PICALM: variants seen among roughly 807,000 people sequenced by gnomAD.
PICALM encodes phosphatidylinositol-binding clathrin assembly protein.
PICALM carries 40 observed loss-of-function variants against 80.5 expected under a neutral mutation model. That is an observed-to-expected ratio of 0.50 (90% CI 0.39 to 0.65). The LOEUF is 0.65. Ranked by LOEUF, PICALM falls within the 30% of genes least tolerant of loss-of-function variation. The pLI is 0.00. For synonymous variants in PICALM, 288 were observed against 260.3 expected, an observed-to-expected ratio of 1.11 and a Z score of -1.02; for missense variants, 676 against 778.9, an observed-to-expected ratio of 0.87 and a Z score of 1.57.
In PICALM at chr11:86,031,485, A is replaced by G; in HGVS notation, c.257T>C (p.Met86Thr). 1 of 1,612,310 alleles carries G rather than the reference A, an allele frequency of 6.2e-7. No individual in the cohort carries two copies. Among genetic ancestry groups the G allele is most frequent in the Non-Finnish European group, 8.5e-7 (1 of 1,179,340 alleles). ...TCTGCTTACCTCATTTCCATACACC[A>G]TCAAATGATGAGTTGTAATGAGAGA... ...FKSLITTHHL[M>T]VYGNERFIQY... Residue 86 changes from methionine (M) to threonine (T), a missense_variant, in exon 2 of 20, where the codon ATG (methionine) becomes ACG (threonine). By Grantham distance (81) the Met-to-Thr change is moderately conservative. This residue lies in a region of PICALM where 285 missense variants were observed against 395.4 expected (regional missense o/e 0.72). Transcript: ENST00000393346.
intron 12 of PICALM, among the ~76,000 whole-genome samples, chr11:85,994,787 T>C (rs1179652804): frequency 6.6e-6 from 1 of 152,232 alleles, no homozygotes; most frequent in East Asian, 1.9e-4. Flanking sequence ...CATTGCAATT[T>C]CCGCCTCCGG....
chr11:85,981,034 C>T (rs139710547), intron 17 of PICALM, 95 bp downstream of exon 17: 12,950 of 676,838 alleles, frequency 0.019, 161 homozygotes, highest in Non-Finnish European at 0.025. Flanking sequence ...AGTAACAATC[C>T]TTCTATTTAT....
intron 19 of PICALM, among the ~76,000 whole-genome samples, chr11:85,960,457 G>A (rs1342910176): frequency 6.6e-6 from 1 of 152,136 alleles, no homozygotes. Context: ...CAGTGGATGA[G>A]ATTACTTTAA....
intron 7 of PICALM, among the ~76,000 whole-genome samples, chr11:86,008,952 C>CAAAAAAAAAAAAAAAAAAAA (rs59740555): frequency 1.6e-5 from 1 of 62,848 alleles, no homozygotes; most frequent in Non-Finnish European, 3.1e-5. Flanking sequence ...AAAAAAAAGC[C>CAAAAAAAAAAAAAAAAAAAA]AAAAAAAAAA....
intron 1 of PICALM, among the ~76,000 whole-genome samples, chr11:86,056,046 G>T (rs554199199): frequency 6.8e-6 from 1 of 146,244 alleles, no homozygotes; most frequent in African/African-American, 2.5e-5. Flanking sequence ...TAAGGTGGGA[G>T]GATCACTTGA....
At chr11:86,039,799 C>T (rs772194787) in intron 1 of PICALM, among the ~76,000 whole-genome samples, 64 of 151,844 alleles carry the variant, frequency 4.2e-4, no homozygotes, top group Admixed American at 9.8e-4. Context: ...GTCAGGAGAG[C>T]GAGACCATCC....
intron 19 of PICALM, among the ~76,000 whole-genome samples, chr11:85,959,903 G>A (rs2093631833): frequency 6.6e-6 from 1 of 152,080 alleles, no homozygotes; most frequent in African/African-American, 2.4e-5. Context: ...GCTAAAAATA[G>A]AGGAATAGCA....
Position 86,068,842 on chromosome 11 carries a change from G to A in PICALM, c.-62C>T, listed in dbSNP as rs2096484717. On this transcript the variant is annotated 5_prime_UTR_variant, in exon 1 of 20. Transcript: ENST00000393346. ...CCGGCGGGGACTGGGACCCCCAAGA[G>A]CCGGAGGGTCCCCACCCCCCACCGC... 1 of 1,514,516 alleles carries A rather than the reference G, an allele frequency of 6.6e-7. No individual in the cohort carries two copies. The highest frequency in any genetic ancestry group is 8.8e-7 in the Non-Finnish European group (1 of 1,133,808). 93.8% of individuals were successfully genotyped at this position (1,514,516 alleles called of 1,614,324 possible).
At chr11:86,011,989 AC>A in intron 6 of PICALM, among the ~76,000 whole-genome samples, 1 of 151,758 alleles carries the variant, frequency 6.6e-6, no homozygotes, top group Admixed American at 6.6e-5. Flanking sequence ...TACTATCTTA[AC>A]CCAGCTAAAT....
intron 7 of PICALM, 66 bp downstream of exon 7, chr11:86,010,964 G>A: frequency 1.4e-6 from 1 of 710,164 alleles, no homozygotes; most frequent in Admixed American, 2.7e-5. Flanking sequence ...AGTGAGTGAT[G>A]ACTTCAAAAT....
chr11:86,054,919 G>C (rs558951246), intron 1 of PICALM, among the ~76,000 whole-genome samples: 19 of 152,214 alleles, frequency 1.2e-4, no homozygotes, highest in African/African-American at 4.6e-4. Flanking sequence ...TTACAGGCGT[G>C]AGCCACTGTG....
chr11:85,984,566 A>G lies in PICALM; in HGVS notation c.1409-593T>C, dbSNP rs571679639. Among the ~76,000 whole-genome samples, 19 of 152,304 alleles carry G rather than the reference A, an allele frequency of 1.2e-4. No individual in the cohort carries two copies. In the East Asian group the frequency reaches 3.7e-3, roughly 29 times the overall value. On this transcript the variant is annotated intron_variant, in intron 13 of 19. Transcript: ENST00000393346. The stretch of plus-strand genomic sequence containing the variant: ...CCATATGCTTTTAAAACATCAAAGA[A>G]AAAAGATATGCCACTTTCAACTCTC...
At position 85,969,759 on chromosome 11, in the gene PICALM, T is replaced by A. The variant is rs977120545; in HGVS notation, c.1944+4949A>T. On this transcript the variant is annotated intron_variant, in intron 19 of 19. Coordinates refer to ENST00000393346, the MANE Select transcript of PICALM (RefSeq NM_007166.4). ...GTCTGGAACTCCTGCACTTAAGTGA[T>A]CCTCCTACCTCAGCCTCCCAAAGTG... is the stretch of plus-strand genomic sequence containing the variant. 1.5e-5 allele frequency: 4 copies of A among 261,176 alleles called. No homozygotes were observed. In the Admixed American group the frequency reaches 1.9e-4, roughly 12 times the overall value. 16.2% of individuals were successfully genotyped at this position (261,176 alleles called of 1,614,324 possible).
At chr11:86,057,536 T>A (rs2096288487) in intron 1 of PICALM, among the ~76,000 whole-genome samples, 1 of 151,802 alleles carries the variant, frequency 6.6e-6, no homozygotes, top group African/African-American at 2.4e-5. Flanking sequence ...AGACTCCATC[T>A]CAAAAACAAA....
intron 1 of PICALM, among the ~76,000 whole-genome samples, chr11:86,051,465 A>G (rs560224411): frequency 6.6e-6 from 1 of 152,302 alleles, no homozygotes; most frequent in Non-Finnish European, 1.5e-5. Flanking sequence ...GTTCCTGACC[A>G]GTCTGGCCAA....
chr11:86,022,243 C>T lies in PICALM; in HGVS notation c.452+124G>A, dbSNP rs183350295. 1,140 of 597,338 alleles carry T rather than the reference C, an allele frequency of 1.9e-3. 5 individuals are homozygous for T. Among genetic ancestry groups the T allele is most frequent in the Middle Eastern group, 4.0e-3 (9 of 2,278 alleles). The allele number at this position is 597,338 out of a possible 1,614,324, so 37.0% of individuals were successfully genotyped here. A position where few individuals can be genotyped will look rare whatever the true frequency, so the allele number is the denominator to read the frequency against. ...ACAAAAAGTACTTGATATACCTCAT[C>T]AAAGAAAAATGAGGCTCATCTTTTA... On this transcript the variant is annotated intron_variant, in intron 4 of 19. Transcript: ENST00000393346.
intron 1 of PICALM, among the ~76,000 whole-genome samples, chr11:86,039,361 C>T (rs573476719): frequency 6.6e-6 from 1 of 152,108 alleles, no homozygotes; most frequent in South Asian, 2.1e-4. Flanking sequence ...TGTGAACAAC[C>T]ACTGCCCTCC....
Position 85,987,171 on chromosome 11 carries a change from G to T in PICALM, c.1408+3079C>A, listed in dbSNP as rs180941037. ...AAACACTACTAAGCACTAAGCAAGGGCTTTATAAACAGGGTATTATTTAAA... is the reference window on the plus strand; with the variant it reads ...AAACACTACTAAGCACTAAGCAAGGTCTTTATAAACAGGGTATTATTTAAA... On this transcript the variant is annotated intron_variant, in intron 13 of 19. Transcript: ENST00000393346. 1.6e-3 allele frequency among the ~76,000 whole-genome samples: 237 copies of T among 152,230 alleles called. 1 individual carries two copies. Among genetic ancestry groups the T allele is most frequent in the Non-Finnish European group, 2.1e-3 (146 of 68,016 alleles).
At chr11:86,023,040 T>G (rs2095593748) in intron 3 of PICALM, among the ~76,000 whole-genome samples, 1 of 152,150 alleles carries the variant, frequency 6.6e-6, no homozygotes, top group African/African-American at 2.4e-5. Flanking sequence ...AATACATAAA[T>G]CATTCTAAGA....
Sources: gnomAD v4.1 joint callset for allele counts (sites outside exome capture counted in the v4.1 genomes callset) on GRCh38, gnomAD v4.1.1 for gene constraint, gnomAD v4.1.1 regional missense constraint, MANE v1.5 for transcripts, NCBI Gene and HGNC (gene_info 2026-07-23, HGNC 2026-07-21) for gene names.